CNTN5: variants seen among roughly 807,000 people sequenced by gnomAD.
The protein encoded by CNTN5 is contactin-5.
A neutral mutation model predicts 129.1 loss-of-function variants in CNTN5; 77 were observed. The observed-to-expected ratio is 0.60, with a 90% CI of 0.50 to 0.72. The LOEUF (loss-of-function observed/expected upper bound fraction) is 0.72, where lower values mean the gene tolerates loss of function less well. CNTN5 is among the 30% of genes least tolerant of loss of function. The pLI is 0.00. For missense variants in CNTN5, 1,478 were observed against 1,328.8 expected, an observed-to-expected ratio of 1.11 and a Z score of -1.75; for synonymous variants, 509 against 465.6, an observed-to-expected ratio of 1.09 and a Z score of -1.20.
intron 2 of CNTN5, among the ~76,000 whole-genome samples, chr11:99,464,373 C>A (rs974432501): frequency 2.0e-5 from 3 of 152,104 alleles, no homozygotes; most frequent in African/African-American, 7.2e-5. Context: ...TGCAAACTTT[C>A]ATTTTAAATC....
chr11:99,542,003 G>A (rs1371363773), intron 2 of CNTN5, among the ~76,000 whole-genome samples: 7 of 150,198 alleles, frequency 4.7e-5, no homozygotes, highest in Non-Finnish European at 1.0e-4. Flanking sequence ...AGAAATGTGG[G>A]GACAAATATT....
intron 4 of CNTN5, among the ~76,000 whole-genome samples, chr11:99,821,277 A>G (rs1946792876): frequency 6.6e-6 from 1 of 152,194 alleles, no homozygotes; most frequent in South Asian, 2.1e-4. Flanking sequence ...TATAAGTATG[A>G]ATTCAAATCC....
intron 6 of CNTN5, among the ~76,000 whole-genome samples, chr11:99,884,442 AAT>A (rs1948846674): frequency 6.6e-6 from 1 of 152,204 alleles, no homozygotes; most frequent in South Asian, 2.1e-4. Context: ...TTTAAAATGA[AAT>A]ATGTTTACTG....
chr11:99,375,458 A>C (rs1940122527), intron 2 of CNTN5, among the ~76,000 whole-genome samples: 1 of 152,136 alleles, frequency 6.6e-6, no homozygotes, highest in South Asian at 2.1e-4. Flanking sequence ...GAGTATAGTC[A>C]GGAGCTAGTA....
Position 99,252,643 on chromosome 11 carries a change from G to T in CNTN5, c.-209-72703G>T, listed in dbSNP as rs181391274. Among the ~76,000 whole-genome samples the T allele has an allele frequency of 3.9e-4, 60 of 152,008 alleles. 2 individuals are homozygous for T. In the East Asian group the frequency reaches 8.9e-3, roughly 23 times the overall value. On this transcript the variant is annotated intron_variant, in intron 1 of 24. Coordinates refer to ENST00000524871, the MANE Select transcript of CNTN5 (RefSeq NM_014361.4). The stretch of plus-strand genomic sequence containing the variant: ...TTAAATTACTTTTTTCATTTGGTGA[G>T]CATAAAATATTAACCCATTGTGGCT...
chr11:99,813,818 T>A (rs1427310316), intron 3 of CNTN5, among the ~76,000 whole-genome samples: 5 of 152,146 alleles, frequency 3.3e-5, no homozygotes, highest in African/African-American at 1.2e-4. Flanking sequence ...CTAATAGGTT[T>A]AATGTAGCAA....
intron 13 of CNTN5, among the ~76,000 whole-genome samples, chr11:100,104,528 T>G (rs1241312581): frequency 1.3e-5 from 2 of 152,184 alleles, no homozygotes; most frequent in Non-Finnish European, 2.9e-5. Flanking sequence ...CTAGACACTC[T>G]GCATATATCA....
intron 3 of CNTN5, among the ~76,000 whole-genome samples, chr11:99,744,503 C>T (rs997545029): frequency 3.8e-5 from 5 of 129,986 alleles, no homozygotes; most frequent in Admixed American, 1.8e-4. Flanking sequence ...AGTTAGCGAC[C>T]GATTGGGCAA....
chr11:99,189,283 T>G (rs2135586897), intron 1 of CNTN5, among the ~76,000 whole-genome samples: 1 of 151,796 alleles, frequency 6.6e-6, no homozygotes, highest in Admixed American at 6.6e-5. Flanking sequence ...TTTCTGTGTT[T>G]ATTTATCGTT....
intron 9 of CNTN5, among the ~76,000 whole-genome samples, chr11:100,047,728 G>A (rs1236522214): frequency 6.6e-6 from 1 of 152,136 alleles, no homozygotes; most frequent in Non-Finnish European, 1.5e-5. Context: ...CTGTGACAGT[G>A]TTTCTAGAAG....
intron 9 of CNTN5, among the ~76,000 whole-genome samples, chr11:100,057,343 C>T (rs529644201): frequency 6.7e-6 from 1 of 150,268 alleles, no homozygotes; most frequent in Admixed American, 6.6e-5. Flanking sequence ...ACTTAAAATG[C>T]TTATTTTAGA....
intron 9 of CNTN5, among the ~76,000 whole-genome samples, chr11:100,048,897 C>G (rs548985015): frequency 5.4e-4 from 82 of 151,846 alleles, no homozygotes; most frequent in African/African-American, 1.9e-3. Context: ...ACAACATAAA[C>G]TAATTGATGA....
chr11:99,209,330 T>G (rs985483892), intron 1 of CNTN5, among the ~76,000 whole-genome samples: 1 of 152,104 alleles, frequency 6.6e-6, no homozygotes, highest in Non-Finnish European at 1.5e-5. Flanking sequence ...TACAGGAAGC[T>G]TGTTGCCAGC....
intron 1 of CNTN5, among the ~76,000 whole-genome samples, chr11:99,089,299 A>T (rs1488339899): frequency 6.6e-6 from 1 of 152,158 alleles, no homozygotes; most frequent in Admixed American, 6.5e-5. Context: ...AAAATCTTGT[A>T]AATAGCATTT....
chr11:99,956,513 T>C (rs1410475048), intron 7 of CNTN5, among the ~76,000 whole-genome samples: 1 of 151,716 alleles, frequency 6.6e-6, no homozygotes, highest in Non-Finnish European at 1.5e-5. Flanking sequence ...CTCTTACCTT[T>C]CTATTTTCAG....
chr11:99,408,172 A>T (rs1159540198), intron 2 of CNTN5, among the ~76,000 whole-genome samples: 1 of 151,760 alleles, frequency 6.6e-6, no homozygotes, highest in African/African-American at 2.4e-5. Context: ...CCTCCTTTTA[A>T]TTTCACTGGC....
At chr11:99,305,204 G>A (rs1447964352) in intron 1 of CNTN5, among the ~76,000 whole-genome samples, 1 of 152,092 alleles carries the variant, frequency 6.6e-6, no homozygotes, top group Admixed American at 6.6e-5. Context: ...GCCTTAATAA[G>A]GGCTTTGTCT....
intron 2 of CNTN5, among the ~76,000 whole-genome samples, chr11:99,374,452 G>A (rs1016957574): frequency 6.6e-6 from 1 of 152,132 alleles, no homozygotes; most frequent in African/African-American, 2.4e-5. Flanking sequence ...GGGAGGCCAA[G>A]GCCGGCGGAT....
At chr11:100,131,578 G>T (rs2138210307) in intron 13 of CNTN5, among the ~76,000 whole-genome samples, 1 of 152,046 alleles carries the variant, frequency 6.6e-6, no homozygotes, top group South Asian at 2.1e-4. Context: ...CAAAGCAGGT[G>T]AAAGAGATTG....
Sources: gnomAD v4.1 joint callset for allele counts (sites outside exome capture counted in the v4.1 genomes callset) on GRCh38, gnomAD v4.1.1 for gene constraint, MANE v1.5 for transcripts, NCBI Gene and HGNC (gene_info 2026-07-23, HGNC 2026-07-21) for gene names.